MAMDC2: variants seen among roughly 807,000 people sequenced by gnomAD.
MAMDC2 encodes MAM domain-containing protein 2.
Under a neutral mutation model 89.8 loss-of-function variants are expected in MAMDC2, and 57 were observed. The ratio of observed to expected loss-of-function variants is 0.63; its 90% CI spans 0.51 to 0.79. The LOEUF (loss-of-function observed/expected upper bound fraction) is 0.79. Ranked by LOEUF, MAMDC2 falls within the 30% of genes least tolerant of loss-of-function variation. MAMDC2 has a pLI of 0.00. For synonymous variants in MAMDC2, 313 were observed against 293.4 expected (o/e 1.07, Z -0.68); for missense variants, 800 against 820.6 (o/e 0.97, Z 0.31).
At chr9:70,101,276 T>A (rs2997703) in intron 2 of MAMDC2, among the ~76,000 whole-genome samples, 9,740 of 152,234 alleles carry the variant, frequency 0.064, 991 homozygotes, top group African/African-American at 0.21. Flanking sequence ...AGTTGTTACA[T>A]AAGAGTCAAA....
intron 2 of MAMDC2, among the ~76,000 whole-genome samples, chr9:70,094,332 G>A (rs1827974352): frequency 6.6e-6 from 1 of 152,138 alleles, no homozygotes; most frequent in Non-Finnish European, 1.5e-5. Context: ...TAAAACTATA[G>A]CTCTCTTTAA....
intron 11 of MAMDC2, among the ~76,000 whole-genome samples, chr9:70,200,861 GT>G (rs936840534): frequency 1.4e-5 from 2 of 145,224 alleles, no homozygotes; most frequent in African/African-American, 5.2e-5. Context: ...TTTGTCTGTT[GT>G]TGGTGTATAA....
At chr9:70,153,420 T>TA (rs1310378784) in intron 9 of MAMDC2, 4 of 152,240 alleles carry the variant, frequency 2.6e-5, no homozygotes, top group Non-Finnish European at 5.9e-5. Context: ...TTCAAATCCT[T>TA]AGTTTATCTT....
chr9:70,075,212 T>G (rs1827505236), intron 2 of MAMDC2, among the ~76,000 whole-genome samples: 1 of 152,118 alleles, frequency 6.6e-6, no homozygotes, highest in Admixed American at 6.6e-5. Context: ...GAAGCCATGG[T>G]TCAAACCTGG....
chr9:70,114,755 A>G (rs1006247046), intron 5 of MAMDC2, among the ~76,000 whole-genome samples: 53 of 152,132 alleles, frequency 3.5e-4, no homozygotes, highest in African/African-American at 1.3e-3. Flanking sequence ...AGACGCTTTC[A>G]AGAAAGGAAA....
At chr9:70,189,332 A>G (rs2032828892) in intron 11 of MAMDC2, among the ~76,000 whole-genome samples, 1 of 152,024 alleles carries the variant, frequency 6.6e-6, no homozygotes, top group Admixed American at 6.6e-5. Context: ...GTTTTCTTTC[A>G]ACACTTTTAT....
In MAMDC2 at chr9:70,226,889, A is replaced by G. The variant is rs1415008147; in HGVS notation, c.*857A>G. ...CTAAACTGCTTTTATTTACTTGTTT[A>G]GAAAATTGTATATATATGTTTGTGT... On this transcript the variant is annotated 3_prime_UTR_variant, in exon 14 of 14. Coordinates refer to ENST00000377182, the MANE Select transcript of MAMDC2 (RefSeq NM_153267.5). 1 of 152,148 alleles carries G rather than the reference A, an allele frequency of 6.6e-6. No individual in the cohort carries two copies. The highest frequency in any genetic ancestry group is 1.5e-5 in the Non-Finnish European group (1 of 67,968). 9.4% of individuals were successfully genotyped at this position (152,148 alleles called of 1,614,324 possible).
At chr9:70,163,609 C>A (rs1487351013) in intron 9 of MAMDC2, among the ~76,000 whole-genome samples, 1 of 152,066 alleles carries the variant, frequency 6.6e-6, no homozygotes, top group Non-Finnish European at 1.5e-5. Context: ...TTAGAACAGT[C>A]TTGTTCTGAG....
In MAMDC2 at chr9:70,140,177, AAT is replaced by A; in HGVS notation, c.1028_1029del (p.Asn343IlefsTer2). On this transcript the variant is annotated frameshift_variant, in exon 8 of 14. Coordinates refer to ENST00000377182, the MANE Select transcript of MAMDC2 (RefSeq NM_153267.5). LOFTEE classifies it high-confidence loss of function. ...LLFSAVEASC[N>X]FEQDLCNFYQ... is the part of the protein sequence containing the mutation. The stretch of plus-strand genomic sequence containing the variant: ...GTTCAGTGCCGTGGAAGCCAGCTGC[AAT>A]TTTGAGCAAGATCTCTGCAACTTTT... 1 of 1,595,258 alleles carries A rather than the reference AAT, an allele frequency of 6.3e-7. No individual in the cohort carries two copies. Among genetic ancestry groups the A allele is most frequent in the Non-Finnish European group, 8.5e-7 (1 of 1,174,532 alleles).
intron 4 of MAMDC2, among the ~76,000 whole-genome samples, chr9:70,112,670 C>A (rs953976845): frequency 6.6e-6 from 1 of 152,160 alleles, no homozygotes; most frequent in Non-Finnish European, 1.5e-5. Context: ...TCCACACTTA[C>A]AATAGCTCTG....
At chr9:70,166,346 T>TAC (rs946616064) in intron 9 of MAMDC2, among the ~76,000 whole-genome samples, 12 of 150,474 alleles carry the variant, frequency 8.0e-5, no homozygotes, top group Non-Finnish European at 1.5e-4. Flanking sequence ...CACATATATA[T>TAC]ACACACACAC....
chr9:70,200,244 G>A (rs1437120819), intron 11 of MAMDC2, among the ~76,000 whole-genome samples: 1 of 151,344 alleles, frequency 6.6e-6, no homozygotes, highest in East Asian at 1.9e-4. Context: ...TGTAAGGAAG[G>A]GATCCAGTTT....
In MAMDC2 at chr9:70,189,493, T is replaced by G. The variant is rs553022439; in HGVS notation, c.1651+18862T>G. 2.0e-5 allele frequency among the ~76,000 whole-genome samples: 3 copies of G among 152,284 alleles called. No individual in the cohort carries two copies. The East Asian group carries it at 5.8e-4, about 29-fold the overall frequency. On this transcript the variant is annotated intron_variant, in intron 11 of 13. Transcript: ENST00000377182. ...TCAGCTGATTAGCAAAGAAAAAATT[T>G]TATTAATTAAAAAGATTTGCTCATT...
At chr9:70,160,009 C>T (rs889374675) in intron 9 of MAMDC2, among the ~76,000 whole-genome samples, 5 of 152,048 alleles carry the variant, frequency 3.3e-5, no homozygotes. Context: ...GCCAGGAGAT[C>T]AAGACCAGCC....
chr9:70,218,805 A>C (rs1207960117), intron 12 of MAMDC2, among the ~76,000 whole-genome samples: 1 of 152,244 alleles, frequency 6.6e-6, no homozygotes, highest in Non-Finnish European at 1.5e-5. Context: ...TTATGCATAA[A>C]GTGATTTTCT....
intron 11 of MAMDC2, among the ~76,000 whole-genome samples, chr9:70,173,896 C>T (rs1014239818): frequency 1.3e-5 from 2 of 152,196 alleles, no homozygotes; most frequent in Admixed American, 6.5e-5. Flanking sequence ...TACTTAAAAT[C>T]TCTAAGTCTC....
rs535409796 is a variant in MAMDC2 at position 70,211,679 on chromosome 9, G to A, written c.1652-6658G>A. On this transcript the variant is annotated intron_variant, in intron 11 of 13. Transcript: ENST00000377182. ...TGTTCCGTTACTGATGAGGAGCTAC[G>A]TTCCTCTGGAATAGAAGAGGTGCTC... Among the ~76,000 whole-genome samples, 6 of 152,336 alleles carry A rather than the reference G, an allele frequency of 3.9e-5. No individual in the cohort carries two copies. In the East Asian group the frequency reaches 7.7e-4, roughly 20 times the overall value.
chr9:70,153,406 T>C (rs995363715), intron 9 of MAMDC2: 4 of 152,204 alleles, frequency 2.6e-5, no homozygotes, highest in African/African-American at 9.6e-5. Context: ...TTAGCCCTTA[T>C]ATATTCAAAT....
intron 2 of MAMDC2, among the ~76,000 whole-genome samples, chr9:70,063,574 G>T (rs1827197842): frequency 6.6e-6 from 1 of 152,114 alleles, no homozygotes; most frequent in South Asian, 2.1e-4. Context: ...TCAGAACTAA[G>T]TATTTAGATA....
Sources: allele counts gnomAD v4.1 joint callset (sites outside exome capture counted in the v4.1 genomes callset), GRCh38; gene constraint gnomAD v4.1.1; transcripts MANE v1.5; gene names NCBI Gene and HGNC (gene_info 2026-07-23, HGNC 2026-07-21).